The following MRAP2 variants were observed in gnomAD, a reference collection of about 807,000 sequenced individuals.
The protein encoded by MRAP2 is melanocortin 2 receptor accessory protein 2, also known as melanocortin-2 receptor accessory protein 2.
A neutral mutation model predicts 17.4 loss-of-function variants in MRAP2; 20 were observed. The ratio of observed to expected loss-of-function variants is 1.15; its 90% CI spans 0.81 to 1.67. MRAP2 has a LOEUF of 1.67. Among genes scored for constraint, MRAP2 ranks in the 40% most tolerant of loss-of-function variants. The pLI is 0.00. For synonymous variants in MRAP2, 96 were observed against 88.4 expected, an observed-to-expected ratio of 1.09 and a Z score of -0.48; for missense variants, 238 against 240.0, an observed-to-expected ratio of 0.99 and a Z score of 0.05.
the MRAP2 span, among the ~76,000 whole-genome samples, chr6:84,116,921 T>A: frequency 6.6e-6 from 1 of 152,212 alleles, no homozygotes; most frequent in Admixed American, 6.5e-5. Flanking sequence ...GCATCGATGT[T>A]CATCAAGGAT....
At chr6:84,119,955 G>T in the MRAP2 span, among the ~76,000 whole-genome samples, 2 of 152,194 alleles carry the variant, frequency 1.3e-5, no homozygotes, top group Admixed American at 1.3e-4. Flanking sequence ...TAGAGATGTA[G>T]ATAAAGATTT....
intron 3 of MRAP2, among the ~76,000 whole-genome samples, chr6:84,070,171 G>A (rs747286088): frequency 1.3e-5 from 2 of 151,930 alleles, no homozygotes; most frequent in Non-Finnish European, 2.9e-5. Flanking sequence ...CTAGTTCCTT[G>A]AGATGTGACC....
At chr6:84,075,870 AGAC>A (rs1361874775) in intron 3 of MRAP2, among the ~76,000 whole-genome samples, 1 of 152,198 alleles carries the variant, frequency 6.6e-6, no homozygotes, top group Non-Finnish European at 1.5e-5. Context: ...ATGGAAGTAA[AGAC>A]TAACAACAGG....
At chr6:84,073,063 C>T (rs1002961564) in intron 3 of MRAP2, among the ~76,000 whole-genome samples, 2 of 152,120 alleles carry the variant, frequency 1.3e-5, no homozygotes, top group African/African-American at 2.4e-5. Context: ...ACACTGGATT[C>T]GTGTCCTTCC....
At chr6:84,056,980 A>G (rs1011811622) in intron 2 of MRAP2, among the ~76,000 whole-genome samples, 4 of 152,216 alleles carry the variant, frequency 2.6e-5, no homozygotes, top group Non-Finnish European at 4.4e-5. Context: ...TTTACCTACT[A>G]TACCATTAAT....
At chr6:84,106,501 T>C in the MRAP2 span, among the ~76,000 whole-genome samples, 1 of 152,176 alleles carries the variant, frequency 6.6e-6, no homozygotes, top group Non-Finnish European at 1.5e-5. Context: ...TATTGGGCAC[T>C]TAGCAGTGGT....
At chr6:84,065,149 G>T (rs748964114) in intron 3 of MRAP2, among the ~76,000 whole-genome samples, 1 of 152,102 alleles carries the variant, frequency 6.6e-6, no homozygotes, top group Non-Finnish European at 1.5e-5. Context: ...GCCGGGCATG[G>T]TGGTGCACAC....
Position 84,062,971 on chromosome 6 carries a change from AG to A in MRAP2, c.207del (p.Thr70GlnfsTer18). 6.2e-7 allele frequency: 1 copy of A among 1,614,158 alleles called. No individual in the cohort carries two copies. The highest frequency in any genetic ancestry group is 8.5e-7 in the Non-Finnish European group (1 of 1,180,022). Reference protein sequence around the residue: ...FMFFVLTLLTKTGAPHQDNAE... With the variant: ...FMFFVLTLLTXTGAPHQDNAE... ...TTTTTTGTGCTGACCTTGCTGACCA[AG>A]ACAGGAGCCCCACACCAAGAGTAAG... is the stretch of plus-strand genomic sequence containing the variant. On this transcript the variant is annotated frameshift_variant, in exon 3 of 4. Transcript: ENST00000257776. LOFTEE classifies it high-confidence loss of function.
upstream of MRAP2, among the ~76,000 whole-genome samples, chr6:84,033,351 G>A (rs1171575453): frequency 6.6e-6 from 1 of 152,174 alleles, no homozygotes; most frequent in Non-Finnish European, 1.5e-5. Flanking sequence ...CAGTGGGCAG[G>A]AAGAGAAACT....
chr6:84,096,748 C>T, the MRAP2 span, among the ~76,000 whole-genome samples: 1 of 152,076 alleles, frequency 6.6e-6, no homozygotes, highest in Non-Finnish European at 1.5e-5. Context: ...GCACAAATTG[C>T]ACTACAGAAT....
intron 2 of MRAP2, among the ~76,000 whole-genome samples, chr6:84,058,627 G>A (rs1365697745): frequency 6.6e-6 from 1 of 152,190 alleles, no homozygotes; most frequent in Non-Finnish European, 1.5e-5. Context: ...CCAAGAGGCT[G>A]GATAAGTGAG....
chr6:84,035,324 C>G, intron 1 of MRAP2: 6 of 615,172 alleles, frequency 9.8e-6, no homozygotes, highest in Non-Finnish European at 1.0e-5. Context: ...ATCCTGGCAA[C>G]ATTCTAGAAC....
the MRAP2 span, among the ~76,000 whole-genome samples, chr6:84,097,105 T>G: frequency 0.029 from 4,462 of 152,298 alleles, 100 homozygotes; most frequent in African/African-American, 0.065. Flanking sequence ...TCCCATTTCA[T>G]GCAGTGAAAA....
the MRAP2 span, among the ~76,000 whole-genome samples, chr6:84,106,435 T>A: frequency 1.3e-5 from 2 of 152,298 alleles, no homozygotes; most frequent in East Asian, 3.9e-4. Flanking sequence ...AGCTGACTGA[T>A]AACCCCTGAG....
In MRAP2 at chr6:84,089,581, G is replaced by C; in HGVS notation, c.*100G>C. On this transcript the variant is annotated 3_prime_UTR_variant, in exon 4 of 4. Coordinates refer to ENST00000257776, the MANE Select transcript of MRAP2 (RefSeq NM_138409.4). ...AAATTGTGTGTGTTTGGGGGAGAGA[G>C]AGACATAGAGATAGAGACAGAGAGG... 1 of 1,345,774 alleles carries C rather than the reference G, an allele frequency of 7.4e-7. No individual in the cohort carries two copies. Among genetic ancestry groups the C allele is most frequent in the Non-Finnish European group, 1.0e-6 (1 of 979,408 alleles). 83.4% of individuals were successfully genotyped at this position (1,345,774 alleles called of 1,614,324 possible). A position where few individuals can be genotyped will look rare whatever the true frequency, so the allele number is the denominator to read the frequency against.
At chr6:84,136,805 T>C in the MRAP2 span, among the ~76,000 whole-genome samples, 2 of 152,226 alleles carry the variant, frequency 1.3e-5, no homozygotes, top group Non-Finnish European at 2.9e-5. Flanking sequence ...GAAGTGGCTA[T>C]GTACAGATAA....
chr6:84,098,676 G>C, the MRAP2 span, among the ~76,000 whole-genome samples: 2 of 152,114 alleles, frequency 1.3e-5, no homozygotes, highest in African/African-American at 4.8e-5. Context: ...TGCATGTGTA[G>C]TAGTATGTCA....
rs143306086 is a variant in MRAP2, at chr6:84,035,697, CT to C, written c.-8+1816del. On this transcript the variant is annotated intron_variant, in intron 1 of 3. Coordinates refer to ENST00000257776, the MANE Select transcript of MRAP2 (RefSeq NM_138409.4). ...CCATCGCTAGCTGCCCCCTTTCAGC[CT>C]TCTGAGCTAGCCCCATTCTGGTCAC... Among the ~76,000 whole-genome samples the C allele has an allele frequency of 5.8e-3, 878 of 152,278 alleles. 4 individuals are homozygous for C. Among genetic ancestry groups the C allele is most frequent in the African/African-American group, 0.02 (819 of 41,546 alleles).
downstream of MRAP2, among the ~76,000 whole-genome samples, chr6:84,095,243 A>T (rs1371442802): frequency 6.6e-6 from 1 of 152,194 alleles, no homozygotes; most frequent in Non-Finnish European, 1.5e-5. Context: ...TATCTTTGTT[A>T]TGCTGGATAG....
Sources: allele counts gnomAD v4.1 joint callset (sites outside exome capture counted in the v4.1 genomes callset), GRCh38; gene constraint gnomAD v4.1.1; transcripts MANE v1.5; gene names NCBI Gene and HGNC (gene_info 2026-07-23, HGNC 2026-07-21).